The following ZCCHC7 variants were observed in gnomAD, a reference collection of about 807,000 sequenced individuals.
The protein encoded by ZCCHC7 is zinc finger CCHC domain-containing protein 7.
ZCCHC7 carries 35 observed loss-of-function variants against 52.0 expected under a neutral mutation model. The ratio of observed to expected loss-of-function variants is 0.67; its 90% CI spans 0.51 to 0.89. The LOEUF (loss-of-function observed/expected upper bound fraction) is 0.89. Among genes scored for constraint, ZCCHC7 ranks in the 40% least tolerant of loss-of-function variants. ZCCHC7 has a pLI of 0.00. For synonymous variants in ZCCHC7, 217 were observed against 221.5 expected, an observed-to-expected ratio of 0.98 and a Z score of 0.18; for missense variants, 574 against 649.1, an observed-to-expected ratio of 0.88 and a Z score of 1.26.
Position 37,284,273 on chromosome 9 carries a change from AACAGAGGCCAAG to A in ZCCHC7, c.611-17912_611-17901del, listed in dbSNP as rs1307298992. The stretch of plus-strand genomic sequence containing the variant: ...GTTTTGTGAATTCAAGTTAGACAGT[AACAGAGGCCAAG>A]ACTCTAAGCGAACAATATCTGAAAA... On this transcript the variant is annotated intron_variant, in intron 2 of 8. Transcript: ENST00000336755. 6.6e-5 allele frequency: 10 copies of A among 152,358 alleles called. No homozygotes were observed. In the South Asian group the frequency reaches 1.5e-3, roughly 22 times the overall value. 9.4% of individuals were successfully genotyped at this position (152,358 alleles called of 1,614,324 possible). A position where few individuals can be genotyped will look rare whatever the true frequency, so the allele number is the denominator to read the frequency against.
In ZCCHC7 at chr9:37,357,054, T is replaced by C. The variant is rs1163730110; in HGVS notation, c.1418T>C (p.Phe473Ser). ...ADRHREVDEDFPRGPKTYSSP... is the reference protein window; with the variant it reads ...ADRHREVDEDSPRGPKTYSSP... The stretch of plus-strand genomic sequence containing the variant: ...AGACATCGTGAAGTGGATGAGGATT[T>C]TCCCAGGGGCCCCAAAACCTACTCT... The change falls in exon 9 of 9, where the codon TTT becomes TCT. Residue 473 changes from phenylalanine (F) to serine (S), a missense_variant. By Grantham distance (155) the Phe-to-Ser change is radical (BLOSUM62 -2). Transcript: ENST00000336755. 3 of 1,613,626 alleles carry C rather than the reference T, an allele frequency of 1.9e-6. No homozygotes were observed. The Admixed American group carries it at 5.0e-5, about 27-fold the overall frequency.
At chr9:37,324,212 A>G (rs1375231503) in intron 5 of ZCCHC7, among the ~76,000 whole-genome samples, 1 of 152,208 alleles carries the variant, frequency 6.6e-6, no homozygotes, top group Non-Finnish European at 1.5e-5. Flanking sequence ...GGATTCTGTT[A>G]AAAAGTTGTG....
At chr9:37,148,187 T>C (rs1386389565) in intron 2 of ZCCHC7, among the ~76,000 whole-genome samples, 1 of 152,086 alleles carries the variant, frequency 6.6e-6, no homozygotes, top group African/African-American at 2.4e-5. Context: ...AAAATATATA[T>C]TTGATATGTA....
At chr9:37,237,255 T>A (rs894265071) in intron 2 of ZCCHC7, among the ~76,000 whole-genome samples, 1 of 152,224 alleles carries the variant, frequency 6.6e-6, no homozygotes, top group African/African-American at 2.4e-5. Flanking sequence ...AGAACAAGAC[T>A]GTACTTTTGG....
At chr9:37,140,411 CT>C (rs1198739731) in intron 2 of ZCCHC7, among the ~76,000 whole-genome samples, 1 of 151,886 alleles carries the variant, frequency 6.6e-6, no homozygotes, top group Non-Finnish European at 1.5e-5. Flanking sequence ...TTAAATATTG[CT>C]GTAAATGTGT....
intron 7 of ZCCHC7, among the ~76,000 whole-genome samples, chr9:37,352,616 T>G (rs909112771): frequency 1.3e-5 from 2 of 148,740 alleles, no homozygotes; most frequent in African/African-American, 5.0e-5. Context: ...CCTCCTAGGT[T>G]CAAGCTATTC....
chr9:37,169,445 ATTTTTTTTTCTT>A lies in ZCCHC7; in HGVS notation c.610+42506_610+42517del, dbSNP rs535984366. On this transcript the variant is annotated intron_variant, in intron 2 of 8. Transcript: ENST00000336755. Reference sequence around the variant, plus strand: ...TGAGATGTTTGGAAGACTTTGTGAGATTTTTTTTTCTTTTGCAAACTAGACGTGCGCCAGCTT... The same window carrying A: ...TGAGATGTTTGGAAGACTTTGTGAGATTGCAAACTAGACGTGCGCCAGCTT... Among the ~76,000 whole-genome samples the A allele has an allele frequency of 7.4e-3, 1,117 of 151,790 alleles. 4 individuals are homozygous for A. The highest frequency in any genetic ancestry group is 0.014 in the South Asian group (68 of 4,800).
intron 1 of ZCCHC7, among the ~76,000 whole-genome samples, chr9:37,122,858 AC>A (rs1195758563): frequency 1.3e-5 from 2 of 152,212 alleles, no homozygotes; most frequent in Non-Finnish European, 2.9e-5. Flanking sequence ...AATTTCTTGA[AC>A]CCAGGAGGAG....
chr9:37,304,163 A>C, intron 3 of ZCCHC7, 25 bp from the exon 4 acceptor site: 1 of 1,562,362 alleles, frequency 6.4e-7, no homozygotes, highest in Non-Finnish European at 8.6e-7. Flanking sequence ...CAATTTTTTT[A>C]ATTCTTGATT....
chr9:37,258,757 TAAAAAAA>T (rs5897683), intron 2 of ZCCHC7, among the ~76,000 whole-genome samples: 12 of 55,366 alleles, frequency 2.2e-4, no homozygotes, highest in Non-Finnish European at 2.7e-4. Flanking sequence ...TCCTGTCTCT[TAAAAAAA>T]AAAAAAAAAA....
chr9:37,290,330 A>AT (rs914614500), intron 2 of ZCCHC7, among the ~76,000 whole-genome samples: 51 of 151,876 alleles, frequency 3.4e-4, no homozygotes, highest in African/African-American at 1.1e-3. Flanking sequence ...TAGTTTGAAA[A>AT]TTTTTTTTTA....
intron 2 of ZCCHC7, among the ~76,000 whole-genome samples, chr9:37,169,015 G>A (rs530508381): frequency 1.1e-4 from 17 of 152,190 alleles, no homozygotes; most frequent in East Asian, 3.9e-4. Context: ...ATTCTCTGCC[G>A]TTTGTGTAGC....
intron 5 of ZCCHC7, among the ~76,000 whole-genome samples, chr9:37,325,047 A>C (rs1389274634): frequency 6.6e-6 from 1 of 152,250 alleles, no homozygotes; most frequent in East Asian, 1.9e-4. Context: ...AATATGGGTC[A>C]AAATGCACAA....
intron 2 of ZCCHC7, among the ~76,000 whole-genome samples, chr9:37,282,009 T>C (rs527819040): frequency 6.6e-6 from 1 of 152,354 alleles, no homozygotes; most frequent in African/African-American, 2.4e-5. Flanking sequence ...TTCCTTACAA[T>C]TTTTAATTCT....
At chr9:37,260,904 A>G (rs1442943622) in intron 2 of ZCCHC7, among the ~76,000 whole-genome samples, 1 of 152,144 alleles carries the variant, frequency 6.6e-6, no homozygotes, top group African/African-American at 2.4e-5. Context: ...ACTCTTGTTG[A>G]TTTAGTTTGC....
rs1224081928 is a variant in ZCCHC7 at position 37,126,674 on chromosome 9, A to G, written c.342A>G (p.Glu114=). 1 of 1,614,192 alleles carries G rather than the reference A, an allele frequency of 6.2e-7. No homozygotes were observed. Among genetic ancestry groups the G allele is most frequent in the Admixed American group, 1.7e-5 (1 of 60,032 alleles). The change falls in exon 2 of 9, where the codon GAA becomes GAG. Residue 114 remains glutamate (E), a synonymous_variant. Transcript: ENST00000336755. The part of the protein sequence containing the change: ...KGKNVRVQAQ[E]NAHGLSSSLQ... ...AGAATGTTAGAGTTCAAGCACAAGAAAATGCCCATGGTCTTTCTTCTTCTC... is the reference window on the plus strand; with the variant it reads ...AGAATGTTAGAGTTCAAGCACAAGAGAATGCCCATGGTCTTTCTTCTTCTC...
At chr9:37,290,602 G>A (rs1026464271) in intron 2 of ZCCHC7, among the ~76,000 whole-genome samples, 2 of 152,184 alleles carry the variant, frequency 1.3e-5, no homozygotes, top group Non-Finnish European at 2.9e-5. Flanking sequence ...GGAGGTTGCA[G>A]TGAGTTGAGA....
At chr9:37,217,227 A>G (rs1007898176) in intron 2 of ZCCHC7, among the ~76,000 whole-genome samples, 3 of 152,192 alleles carry the variant, frequency 2.0e-5, no homozygotes, top group African/African-American at 7.2e-5. Flanking sequence ...AATTCTTAAC[A>G]GTATCCGTGA....
In ZCCHC7 at chr9:37,130,650, G is replaced by C. The variant is rs558233737; in HGVS notation, c.610+3708G>C. ...TGGGACTACAGGCACCTGCCACCAC[G>C]CCTGGCTAATTTTTTGTATTTTTTT... On this transcript the variant is annotated intron_variant, in intron 2 of 8. Transcript: ENST00000336755. 1.6e-3 allele frequency among the ~76,000 whole-genome samples: 243 copies of C among 151,698 alleles called. 1 individual carries two copies. The highest frequency in any genetic ancestry group is 5.6e-3 in the African/African-American group (233 of 41,382).
Sources: gnomAD v4.1 joint callset for allele counts (sites outside exome capture counted in the v4.1 genomes callset) on GRCh38, gnomAD v4.1.1 for gene constraint, MANE v1.5 for transcripts, NCBI Gene and HGNC (gene_info 2026-07-23, HGNC 2026-07-21) for gene names.